EXOC4: variants seen among roughly 807,000 people sequenced by gnomAD.
EXOC4 encodes SEC8-like 1.
A neutral mutation model predicts 107.2 loss-of-function variants in EXOC4; 71 were observed. The observed-to-expected ratio is 0.66, with a 90% confidence interval of 0.55 to 0.81. The LOEUF is 0.81. Among genes scored for constraint, EXOC4 ranks in the 30% least tolerant of loss-of-function variants. The pLI, the probability that EXOC4 is intolerant of heterozygous loss-of-function variation, is 0.00. For synonymous variants in EXOC4, 456 were observed against 441.2 expected (o/e 1.03, Z -0.42); for missense variants, 1,108 against 1,189.6 (o/e 0.93, Z 1.01).
chr7:133,672,179 C>T (rs1793960861), intron 10 of EXOC4, among the ~76,000 whole-genome samples: 1 of 152,020 alleles, frequency 6.6e-6, no homozygotes, highest in Non-Finnish European at 1.5e-5. Flanking sequence ...ATCATGAGGT[C>T]AGGAGATTGA....
chr7:134,042,423 C>T (rs1795540719), intron 17 of EXOC4, among the ~76,000 whole-genome samples: 2 of 151,766 alleles, frequency 1.3e-5, no homozygotes. Context: ...GCTCAATGCT[C>T]TTGTCAAAAG....
intron 13 of EXOC4, among the ~76,000 whole-genome samples, chr7:133,921,980 C>G (rs1188133853): frequency 6.6e-6 from 1 of 152,082 alleles, no homozygotes; most frequent in South Asian, 2.1e-4. Context: ...CCAGTTCTTT[C>G]CTTGGCCATA....
At chr7:133,884,775 T>G (rs778999489) in intron 11 of EXOC4, among the ~76,000 whole-genome samples, 2 of 152,132 alleles carry the variant, frequency 1.3e-5, no homozygotes, top group Non-Finnish European at 2.9e-5. Context: ...CTAAAGTTGT[T>G]TTGCTTTTGG....
chr7:133,363,885 A>G (rs142200061), intron 6 of EXOC4, among the ~76,000 whole-genome samples: 1 of 152,196 alleles, frequency 6.6e-6, no homozygotes, highest in Admixed American at 6.6e-5. Context: ...TTTTCATTGC[A>G]AAAATGAACT....
intron 17 of EXOC4, among the ~76,000 whole-genome samples, chr7:134,011,785 TA>T (rs58603369): frequency 0.028 from 3,908 of 138,058 alleles, 105 homozygotes; most frequent in African/African-American, 0.069. Context: ...ATGCTGTAGT[TA>T]AAAAAAAAAA....
At chr7:133,726,367 G>A (rs951810535) in intron 10 of EXOC4, among the ~76,000 whole-genome samples, 2 of 152,182 alleles carry the variant, frequency 1.3e-5, no homozygotes, top group East Asian at 1.9e-4. Context: ...TGCCTGGTAC[G>A]TAATAGGCAC....
intron 5 of EXOC4, among the ~76,000 whole-genome samples, chr7:133,333,591 T>C (rs1324876513): frequency 6.6e-6 from 1 of 152,182 alleles, no homozygotes; most frequent in African/African-American, 2.4e-5. Flanking sequence ...TATATGTGTG[T>C]ACACCATACA....
intron 10 of EXOC4, among the ~76,000 whole-genome samples, chr7:133,744,793 G>A (rs141079512): frequency 8.5e-5 from 13 of 152,208 alleles, no homozygotes; most frequent in African/African-American, 2.6e-4. Context: ...ACCGAGGCTC[G>A]CAGAAAATGC....
chr7:133,518,282 C>T (rs1485485496), intron 9 of EXOC4, among the ~76,000 whole-genome samples: 2 of 149,924 alleles, frequency 1.3e-5, no homozygotes, highest in African/African-American at 4.9e-5. Flanking sequence ...AGAAATTTTG[C>T]CCCCCACCCC....
At chr7:134,038,097 C>A (rs1340593360) in intron 17 of EXOC4, among the ~76,000 whole-genome samples, 1 of 152,206 alleles carries the variant, frequency 6.6e-6, no homozygotes, top group East Asian at 1.9e-4. Context: ...ACAGACATCA[C>A]ATTTCCTGAG....
At position 133,855,072 on chromosome 7, in the gene EXOC4, A is replaced by AATATATATAT. The variant is rs368720520; in HGVS notation, c.1734+37534_1734+37535insATATATATAT. On this transcript the variant is annotated intron_variant, in intron 11 of 17. Transcript: ENST00000253861. Reference sequence around the variant, plus strand: ...ATCTAAATATATCTAAATATATCTAAATATATCTAAATATATATAAATATA... The same window carrying AATATATATAT: ...ATCTAAATATATCTAAATATATCTAAATATATATATATATATCTAAATATATATAAATATA... Among the ~76,000 whole-genome samples, 5 of 57,070 alleles carry AATATATATAT rather than the reference A, an allele frequency of 8.8e-5. 1 individual carries two copies. The highest frequency in any genetic ancestry group is 6.5e-4 in the African/African-American group (4 of 6,126). The allele number at this position is 57,070 out of a possible 152,430, so 37.4% of individuals were successfully genotyped here. A position where few individuals can be genotyped will look rare whatever the true frequency, so the allele number is the denominator to read the frequency against.
chr7:133,936,273 G>A (rs1458520694), intron 13 of EXOC4, among the ~76,000 whole-genome samples: 2 of 152,174 alleles, frequency 1.3e-5, no homozygotes, highest in African/African-American at 4.8e-5. Flanking sequence ...GCTAAAATAA[G>A]GAGGCTAGTC....
At chr7:134,073,232 A>AAAAAAAAAC in the EXOC4 span, among the ~76,000 whole-genome samples, 1 of 10,724 alleles carries the variant, frequency 9.3e-5, no homozygotes, top group African/African-American at 4.6e-4. Flanking sequence ...AAAAAAAAAA[A>AAAAAAAAAC]CAACAAAGAA....
In EXOC4 at chr7:133,931,951, A is replaced by G. The variant is rs569090748; in HGVS notation, c.2028-5940A>G. On this transcript the variant is annotated intron_variant, in intron 13 of 17. Coordinates refer to ENST00000253861, the MANE Select transcript of EXOC4 (RefSeq NM_021807.4). ...TCTTCTAGAAGAGGCTAAATTATGC[A>G]TAATAGTTTTTCTGTGCTCAGCCTT... Among the ~76,000 whole-genome samples, 4 of 152,324 alleles carry G rather than the reference A, an allele frequency of 2.6e-5. No individual in the cohort carries two copies. In the East Asian group the frequency reaches 7.7e-4, roughly 29 times the overall value.
At chr7:133,752,268 C>T (rs1157333314) in intron 10 of EXOC4, among the ~76,000 whole-genome samples, 1 of 152,118 alleles carries the variant, frequency 6.6e-6, no homozygotes, top group Non-Finnish European at 1.5e-5. Context: ...TTTAATTTTA[C>T]TTGTTTTAAA....
intron 9 of EXOC4, among the ~76,000 whole-genome samples, chr7:133,602,782 T>C (rs182291033): frequency 6.6e-6 from 1 of 152,332 alleles, no homozygotes; most frequent in Admixed American, 6.5e-5. Flanking sequence ...TTGACAGGTG[T>C]GTTCTGTGCC....
intron 9 of EXOC4, among the ~76,000 whole-genome samples, chr7:133,572,502 C>T (rs1801044591): frequency 6.6e-6 from 1 of 152,006 alleles, no homozygotes; most frequent in South Asian, 2.1e-4. Flanking sequence ...CTTCTATAAT[C>T]GTTTTACTTT....
At chr7:133,542,248 G>A (rs1800395389) in intron 9 of EXOC4, among the ~76,000 whole-genome samples, 1 of 150,424 alleles carries the variant, frequency 6.6e-6, no homozygotes. Context: ...CCATTTTTAT[G>A]TTTAGGTTCA....
rs1332808997 is a variant in EXOC4 at position 133,616,579 on chromosome 7, A to AT, written c.1418-13459dup. Among the ~76,000 whole-genome samples the AT allele has an allele frequency of 2.6e-5, 4 of 152,046 alleles. No homozygotes were observed. The East Asian group carries it at 7.7e-4, about 29-fold the overall frequency. On this transcript the variant is annotated intron_variant, in intron 9 of 17. Transcript: ENST00000253861. ...CACAGACCTGTCATGAATTTTGCCC[A>AT]TTTTTTTCCTTTGCATTGGGTAATT...
Sources: gnomAD v4.1 joint callset for allele counts (sites outside exome capture counted in the v4.1 genomes callset) on GRCh38, gnomAD v4.1.1 for gene constraint, MANE v1.5 for transcripts, NCBI Gene and HGNC (gene_info 2026-07-23, HGNC 2026-07-21) for gene names.